The following ICA1L variants were observed in gnomAD, a reference collection of about 807,000 sequenced individuals.
ICA1L encodes the protein islet cell autoantigen 1 like.
In ICA1L, 50 loss-of-function variants were observed where a neutral mutation model predicts 61.3. The observed-to-expected ratio is 0.82, with a 90% CI of 0.65 to 1.03. The LOEUF is 1.03. ICA1L is among the 50% of genes least tolerant of loss of function. The pLI, the probability that ICA1L is intolerant of heterozygous loss-of-function variation, is 0.00. For missense variants in ICA1L, 508 were observed against 556.7 expected, an observed-to-expected ratio of 0.91 and a Z score of 0.88; for synonymous variants, 161 against 191.3, an observed-to-expected ratio of 0.84 and a Z score of 1.31.
chr2:202,812,975 T>C (rs1380990892), intron 8 of ICA1L, among the ~76,000 whole-genome samples: 1 of 152,138 alleles, frequency 6.6e-6, no homozygotes, highest in Non-Finnish European at 1.5e-5. Flanking sequence ...AATGTCAATA[T>C]TGGCCAGGCG....
chr2:202,842,628 C>G (rs1694363333), intron 1 of ICA1L, among the ~76,000 whole-genome samples: 1 of 152,136 alleles, frequency 6.6e-6, no homozygotes, highest in South Asian at 2.1e-4. Context: ...TTAGTGTAAT[C>G]TTGTTCAGGT....
At chr2:202,783,507 T>G (rs1462550184) in intron 12 of ICA1L, among the ~76,000 whole-genome samples, 1 of 152,118 alleles carries the variant, frequency 6.6e-6, no homozygotes, top group Non-Finnish European at 1.5e-5. Flanking sequence ...GAAAAAACAT[T>G]AGCTAAACCC....
chr2:202,797,607 C>T (rs1692970516), intron 9 of ICA1L, among the ~76,000 whole-genome samples: 1 of 152,164 alleles, frequency 6.6e-6, no homozygotes, highest in Admixed American at 6.5e-5. Flanking sequence ...CTGGAATCTC[C>T]ACTTCTGGGG....
Position 202,774,524 on chromosome 2 carries a change from T to G in ICA1L, c.*5009A>C, listed in dbSNP as rs1417966867. ...GTCAGTGAGGTTTAGCCACAAGAGA[T>G]ATCACAGGAGAGACACAGGAAAAAA... On this transcript the variant is annotated 3_prime_UTR_variant, in exon 13 of 13. Transcript: ENST00000358299. 5 of 417,988 alleles carry G rather than the reference T, an allele frequency of 1.2e-5. No individual in the cohort carries two copies. Among genetic ancestry groups the G allele is most frequent in the East Asian group, 8.9e-5 (2 of 22,400 alleles). 25.9% of individuals were successfully genotyped at this position (417,988 alleles called of 1,614,324 possible). A position where few individuals can be genotyped will look rare whatever the true frequency, so the allele number is the denominator to read the frequency against.
intron 1 of ICA1L, among the ~76,000 whole-genome samples, chr2:202,831,582 A>T (rs1232968007): frequency 6.6e-6 from 1 of 152,194 alleles, no homozygotes; most frequent in Non-Finnish European, 1.5e-5. Context: ...ATCAACTTCC[A>T]TATTGATGTA....
At chr2:202,827,460 T>C (rs1346997070) in intron 2 of ICA1L, among the ~76,000 whole-genome samples, 1 of 152,172 alleles carries the variant, frequency 6.6e-6, no homozygotes, top group African/African-American at 2.4e-5. Flanking sequence ...ATTTTTTCCA[T>C]AGGTCTTTGC....
chr2:202,844,771 G>A (rs778106598), intron 1 of ICA1L, among the ~76,000 whole-genome samples: 1 of 152,292 alleles, frequency 6.6e-6, no homozygotes, highest in East Asian at 1.9e-4. Context: ...TATTCCCTGT[G>A]TATTAATTTC....
At chr2:202,864,242 G>A (rs949551277) in intron 1 of ICA1L, among the ~76,000 whole-genome samples, 2 of 151,688 alleles carry the variant, frequency 1.3e-5, no homozygotes, top group African/African-American at 4.8e-5. Flanking sequence ...GATTATTACA[G>A]ATCAATTTTT....
intron 9 of ICA1L, among the ~76,000 whole-genome samples, chr2:202,802,445 A>G (rs1238953061): frequency 6.6e-6 from 1 of 152,186 alleles, no homozygotes; most frequent in Non-Finnish European, 1.5e-5. Flanking sequence ...ACTAAAAAAA[A>G]TAATGGTTGA....
chr2:202,790,318 A>AAAAT (rs1288880963), intron 10 of ICA1L, among the ~76,000 whole-genome samples: 1 of 152,256 alleles, frequency 6.6e-6, no homozygotes, highest in South Asian at 2.1e-4. Context: ...GTTATTTTTC[A>AAAAT]AAATAAATAA....
At chr2:202,840,704 AG>A in intron 1 of ICA1L, 1 of 602,002 alleles carries the variant, frequency 1.7e-6, no homozygotes. Context: ...GGCCCGCTGC[AG>A]GGCAGCCTCC....
chr2:202,848,387 GA>G (rs1456651492), intron 1 of ICA1L, among the ~76,000 whole-genome samples: 1 of 152,168 alleles, frequency 6.6e-6, no homozygotes, highest in African/African-American at 2.4e-5. Context: ...CAAGTTTACT[GA>G]AGTGATCTAA....
At chr2:202,865,993 C>A (rs1251496322) in intron 1 of ICA1L, among the ~76,000 whole-genome samples, 5 of 152,140 alleles carry the variant, frequency 3.3e-5, no homozygotes. Flanking sequence ...TATTTAGCAA[C>A]AAATTCAGTG....
In ICA1L at chr2:202,839,996, C is replaced by A. The variant is rs190232016; in HGVS notation, c.-7-10980G>T. ...GCCTGACATTTTATGGTTTTGATGTCACAATTTACATCTTTTTATATTGTA... is the reference window on the plus strand; with the variant it reads ...GCCTGACATTTTATGGTTTTGATGTAACAATTTACATCTTTTTATATTGTA... On this transcript the variant is annotated intron_variant, in intron 1 of 12. Coordinates refer to ENST00000358299, the MANE Select transcript of ICA1L (RefSeq NM_001288622.3). Among the ~76,000 whole-genome samples, 6 of 150,796 alleles carry A rather than the reference C, an allele frequency of 4.0e-5. No individual in the cohort carries two copies. In the East Asian group the frequency reaches 1.2e-3, roughly 29 times the overall value.
chr2:202,774,520 G>C lies in ICA1L; in HGVS notation c.*5013C>G, dbSNP rs1039448737. On this transcript the variant is annotated 3_prime_UTR_variant, in exon 13 of 13. Transcript: ENST00000358299. ...TATGGTCAGTGAGGTTTAGCCACAAGAGATATCACAGGAGAGACACAGGAA... is the reference window on the plus strand; with the variant it reads ...TATGGTCAGTGAGGTTTAGCCACAACAGATATCACAGGAGAGACACAGGAA... 1 of 424,834 alleles carries C rather than the reference G, an allele frequency of 2.4e-6. No individual in the cohort carries two copies. The highest frequency in any genetic ancestry group is 4.6e-5 in the Admixed American group (1 of 21,968). 26.3% of individuals were successfully genotyped at this position (424,834 alleles called of 1,614,324 possible). A position where few individuals can be genotyped will look rare whatever the true frequency, so the allele number is the denominator to read the frequency against.
intron 8 of ICA1L, among the ~76,000 whole-genome samples, chr2:202,813,623 G>A (rs1165943200): frequency 6.6e-6 from 1 of 152,134 alleles, no homozygotes; most frequent in African/African-American, 2.4e-5. Flanking sequence ...GGCGCGTTGG[G>A]CTTTATAACA....
At chr2:202,794,643 A>T (rs1244835048) in intron 10 of ICA1L, among the ~76,000 whole-genome samples, 1 of 152,228 alleles carries the variant, frequency 6.6e-6, no homozygotes, top group Non-Finnish European at 1.5e-5. Flanking sequence ...GAATTCAGCT[A>T]TATACCAGGA....
At chr2:202,835,961 G>A (rs560457560) in intron 1 of ICA1L, among the ~76,000 whole-genome samples, 35 of 152,196 alleles carry the variant, frequency 2.3e-4, no homozygotes, top group Admixed American at 1.0e-3. Flanking sequence ...CACATTGTCC[G>A]CAAACAGACG....
chr2:202,854,690 G>C (rs1694724468), intron 1 of ICA1L, among the ~76,000 whole-genome samples: 1 of 152,180 alleles, frequency 6.6e-6, no homozygotes, highest in Non-Finnish European at 1.5e-5. Context: ...ATAAAAAACA[G>C]TCTCTCAGAC....
Sources: gnomAD v4.1 joint callset for allele counts (sites outside exome capture counted in the v4.1 genomes callset) on GRCh38, gnomAD v4.1.1 for gene constraint, MANE v1.5 for transcripts, NCBI Gene and HGNC (gene_info 2026-07-23, HGNC 2026-07-21) for gene names.